FLOT1: variants seen among roughly 807,000 people sequenced by gnomAD.
The protein encoded by FLOT1 is flotillin 1.
In FLOT1, 40 loss-of-function variants were observed where a neutral mutation model predicts 58.4. The ratio of observed to expected loss-of-function variants is 0.69; its 90% confidence interval spans 0.53 to 0.89. The LOEUF is 0.89. FLOT1 is among the 40% of genes least tolerant of loss of function. The pLI, the probability that FLOT1 is intolerant of heterozygous loss-of-function variation, is 0.00. For synonymous variants in FLOT1, 178 were observed against 204.2 expected (o/e 0.87, Z 1.09); for missense variants, 423 against 540.8 (o/e 0.78, Z 2.16).
rs892583601 is a variant in FLOT1 at position 30,742,138 on chromosome 6, A to G, written c.43+9T>C. The G allele has an allele frequency of 6.2e-7, 1 of 1,612,488 alleles. No homozygotes were observed. Among genetic ancestry groups the G allele is most frequent in the Non-Finnish European group, 8.5e-7 (1 of 1,179,798 alleles). Reference sequence around the variant, plus strand: ...GGTCACTGGCTGGGAAGGGAACAACAGTACTTACCGGAGACCACCATGGCC... The same window carrying G: ...GGTCACTGGCTGGGAAGGGAACAACGGTACTTACCGGAGACCACCATGGCC... On this transcript the variant is annotated intron_variant, in intron 2 of 12. Coordinates refer to ENST00000376389, the MANE Select transcript of FLOT1 (RefSeq NM_005803.4). The surrounding 1 kb of genome is among the most constrained non-coding windows in gnomAD (Gnocchi z 5.2).
At chr6:30,735,584 T>C (rs968361347) in intron 8 of FLOT1, among the ~76,000 whole-genome samples, 5 of 138,406 alleles carry the variant, frequency 3.6e-5, no homozygotes, top group African/African-American at 1.5e-4. Context: ...GAGCCGAGAC[T>C]GCGCCACTGC....
At position 30,741,602 on chromosome 6, in the gene FLOT1, T is replaced by C. The variant is rs1195911112; in HGVS notation, c.210+12A>G. On this transcript the variant is annotated intron_variant, in intron 4 of 12. Coordinates refer to ENST00000376389, the MANE Select transcript of FLOT1 (RefSeq NM_005803.4). The surrounding 1 kb of genome is among the most constrained non-coding windows in gnomAD (Gnocchi z 5.9). Reference sequence around the variant, plus strand: ...GAAGTGGACTGTGGGGAAAAGGCTCTGAAAGCTTCACCTGGGCAATGCCAG... The same window carrying C: ...GAAGTGGACTGTGGGGAAAAGGCTCCGAAAGCTTCACCTGGGCAATGCCAG... 6.2e-7 allele frequency: 1 copy of C among 1,602,650 alleles called. No individual in the cohort carries two copies. Among genetic ancestry groups the C allele is most frequent in the Admixed American group, 1.7e-5 (1 of 60,006 alleles).
intron 8 of FLOT1, among the ~76,000 whole-genome samples, chr6:30,738,754 G>A (rs959423035): frequency 4.6e-5 from 7 of 152,162 alleles, no homozygotes; most frequent in African/African-American, 1.7e-4. Context: ...TTGCACTAAA[G>A]GACACTAGAC....
rs773574900 is a variant in FLOT1 at position 30,742,262 on chromosome 6, G to C, written c.-14-59C>G. The C allele has an allele frequency of 1.4e-6, 2 of 1,454,906 alleles. No homozygotes were observed. Among genetic ancestry groups the C allele is most frequent in the Non-Finnish European group, 1.9e-6 (2 of 1,036,158 alleles). 90.1% of individuals were successfully genotyped at this position (1,454,906 alleles called of 1,614,324 possible). A position where few individuals can be genotyped will look rare whatever the true frequency, so the allele number is the denominator to read the frequency against. ...GGGAAGGCGCGCTGTGGCGTCCACA[G>C]GGGCCCATCCTTTCCCTTTCCCGTC... On this transcript the variant is annotated intron_variant, in intron 1 of 12. Coordinates refer to ENST00000376389, the MANE Select transcript of FLOT1 (RefSeq NM_005803.4). The surrounding 1 kb of genome is among the most constrained non-coding windows in gnomAD (Gnocchi z 5.2).
At chr6:30,734,045 T>TG (rs1309223921) in intron 8 of FLOT1, among the ~76,000 whole-genome samples, 7 of 59,926 alleles carry the variant, frequency 1.2e-4, no homozygotes, top group South Asian at 5.5e-4. Flanking sequence ...ACCCTGTCTC[T>TG]GAAAAAAAAA....
At position 30,742,118 on chromosome 6, in the gene FLOT1, C is replaced by T. The variant is rs939546743; in HGVS notation, c.43+29G>A. 1 of 1,610,696 alleles carries T rather than the reference C, an allele frequency of 6.2e-7. No homozygotes were observed. Among genetic ancestry groups the T allele is most frequent in the African/African-American group, 1.3e-5 (1 of 74,986 alleles). On this transcript the variant is annotated intron_variant, in intron 2 of 12. Coordinates refer to ENST00000376389, the MANE Select transcript of FLOT1 (RefSeq NM_005803.4). The surrounding 1 kb of genome is among the most constrained non-coding windows in gnomAD (Gnocchi z 5.2). ...CAGACTCACAGGGGTTCTGGGGTCACTGGCTGGGAAGGGAACAACAGTACT... is the reference window on the plus strand; with the variant it reads ...CAGACTCACAGGGGTTCTGGGGTCATTGGCTGGGAAGGGAACAACAGTACT...
intron 5 of FLOT1, 109 bp from the exon 6 acceptor site, chr6:30,740,907 C>T: frequency 6.9e-7 from 1 of 1,451,294 alleles, no homozygotes; most frequent in Non-Finnish European, 9.1e-7. Context: ...CTGCCTCAGC[C>T]TCCCAAGTAG....
At chr6:30,735,961 G>C (rs76250555) in intron 8 of FLOT1, among the ~76,000 whole-genome samples, 11,188 of 150,678 alleles carry the variant, frequency 0.074, 664 homozygotes, top group African/African-American at 0.16. Flanking sequence ...TTTTTTTAAA[G>C]CCTAGTCAGC....
Position 30,741,393 on chromosome 6 carries a change from G to A in FLOT1, c.211-60C>T. On this transcript the variant is annotated intron_variant, in intron 4 of 12. Coordinates refer to ENST00000376389, the MANE Select transcript of FLOT1 (RefSeq NM_005803.4). The surrounding 1 kb of genome is among the most constrained non-coding windows in gnomAD (Gnocchi z 5.9). ...GGGGTCTCATGAAGTCAGAGAAAAA[G>A]CAGAGAGAGAAGGGAGAGCCCTCTA... 1.3e-6 allele frequency: 2 copies of A among 1,598,876 alleles called. No individual in the cohort carries two copies. Among genetic ancestry groups the A allele is most frequent in the Non-Finnish European group, 1.7e-6 (2 of 1,168,162 alleles).
In FLOT1 at chr6:30,741,185, C is replaced by T; in HGVS notation, c.354+5G>A. 1 of 1,612,876 alleles carries T rather than the reference C, an allele frequency of 6.2e-7. No homozygotes were observed. The highest frequency in any genetic ancestry group is 8.5e-7 in the Non-Finnish European group (1 of 1,180,020). Reference sequence around the variant, plus strand: ...TTCCAGATGGTTCCCTGCCCCTAGGCCAACCTCCACAGTCATGTGGGCCAT... The same window carrying T: ...TTCCAGATGGTTCCCTGCCCCTAGGTCAACCTCCACAGTCATGTGGGCCAT... On this transcript the variant is annotated splice_donor_5th_base_variant and intron_variant, in intron 5 of 12. Transcript: ENST00000376389. The surrounding 1 kb of genome is among the most constrained non-coding windows in gnomAD (Gnocchi z 5.9).
chr6:30,740,483 C>T lies in FLOT1; in HGVS notation c.570+13G>A. 6.2e-7 allele frequency: 1 copy of T among 1,611,180 alleles called. No homozygotes were observed. The highest frequency in any genetic ancestry group is 1.7e-5 in the Admixed American group (1 of 60,008). On this transcript the variant is annotated intron_variant, in intron 7 of 12. Coordinates refer to ENST00000376389, the MANE Select transcript of FLOT1 (RefSeq NM_005803.4). ...TATCCCCTTTCCCACTAAGCAACCC[C>T]CATCTCTCTCACCCGGATCCCAGCA... is the stretch of plus-strand genomic sequence containing the variant.
Position 30,730,829 on chromosome 6 carries a change from T to C in FLOT1, c.905+90A>G, listed in dbSNP as rs924588973. 82 of 1,597,420 alleles carry C rather than the reference T, an allele frequency of 5.1e-5. 2 individuals carry two copies. The highest frequency in any genetic ancestry group is 4.9e-4 in the South Asian group (44 of 90,646). On this transcript the variant is annotated intron_variant, in intron 9 of 12. Transcript: ENST00000376389. ...AGACGCTCCTGAAACCTGAAATCCATAGGAGTCCAGGTGGTGAAGGCTTCA... is the reference window on the plus strand; with the variant it reads ...AGACGCTCCTGAAACCTGAAATCCACAGGAGTCCAGGTGGTGAAGGCTTCA...
rs763714458 is a variant in FLOT1, at chr6:30,742,261, AG to A, written c.-14-59del. ...GGGGAAGGCGCGCTGTGGCGTCCAC[AG>A]GGGCCCATCCTTTCCCTTTCCCGTC... On this transcript the variant is annotated intron_variant, in intron 1 of 12. Coordinates refer to ENST00000376389, the MANE Select transcript of FLOT1 (RefSeq NM_005803.4). The surrounding 1 kb of genome is among the most constrained non-coding windows in gnomAD (Gnocchi z 5.2). The A allele has an allele frequency of 6.2e-6, 9 of 1,458,842 alleles. No homozygotes were observed. The Admixed American group carries it at 8.4e-5, about 14-fold the overall frequency. 90.4% of individuals were successfully genotyped at this position (1,458,842 alleles called of 1,614,324 possible).
chr6:30,732,851 G>T (rs1777295692), intron 8 of FLOT1, among the ~76,000 whole-genome samples: 1 of 152,004 alleles, frequency 6.6e-6, no homozygotes, highest in South Asian at 2.1e-4. Context: ...TTCCAAACTG[G>T]CCTCGTTGCC....
At chr6:30,728,222 T>C in intron 12 of FLOT1, 77 bp from the exon 13 acceptor site, 1 of 1,243,356 alleles carries the variant, frequency 8.0e-7, no homozygotes, top group Non-Finnish European at 1.2e-6. Flanking sequence ...GGCCCCAGTT[T>C]AGACGAATGG....
chr6:30,729,962 T>C (rs1777030353), intron 12 of FLOT1, 60 bp downstream of exon 12: 4 of 1,491,564 alleles, frequency 2.7e-6, no homozygotes, highest in Non-Finnish European at 3.7e-6. Context: ...ATGCTAGGCA[T>C]ACTGTGTCAC....
chr6:30,740,235 A>T lies in FLOT1; in HGVS notation c.646T>A (p.Tyr216Asn), dbSNP rs962758443. The stretch of plus-strand genomic sequence containing the variant: ...TCATAGGCGGCCTTCTTCAGTTCGT[A>T]ATCTCTCTGTGCCTTGGCCATCTCG... ...EIEMAKAQRDYELKKAAYDIE... is the reference protein window; with the variant it reads ...EIEMAKAQRDNELKKAAYDIE... Residue 216 changes from tyrosine (Y) to asparagine (N), a missense_variant, in exon 8 of 13, where the codon TAC (tyrosine) becomes AAC (asparagine). Tyr to Asn is a moderately radical substitution (Grantham distance 143). Around this residue, in one of 6 missense-constraint regions of FLOT1, gnomAD observed 137 missense variants for 194.6 expected, o/e 0.70. Transcript: ENST00000376389. The T allele has an allele frequency of 6.8e-6, 11 of 1,612,702 alleles. No homozygotes were observed. The highest frequency in any genetic ancestry group is 9.3e-6 in the Non-Finnish European group (11 of 1,179,968).
intron 9 of FLOT1, 34 bp downstream of exon 9, chr6:30,730,885 G>C: frequency 6.2e-7 from 1 of 1,603,826 alleles, no homozygotes; most frequent in Non-Finnish European, 8.5e-7. Flanking sequence ...TAGGTGGCAA[G>C]TGAGCTAGGC....
rs1778043113 is a variant in FLOT1, at chr6:30,742,179, G to A, written c.11C>T (p.Thr4Ile). The change falls in exon 2 of 13, where the codon ACT becomes ATT. Residue 4 changes from threonine (T) to isoleucine (I), a missense_variant. By Grantham distance (89) the Thr-to-Ile change is moderately conservative. Coordinates refer to ENST00000376389, the MANE Select transcript of FLOT1 (RefSeq NM_005803.4). The surrounding 1 kb of genome is among the most constrained non-coding windows in gnomAD (Gnocchi z 5.2). ...CACCATGGCCTCATTTGGGCCACAA[G>A]TGAAAAACATGGTTCAGGCTGGAGC... MFF[T>I]CGPNEAMVVS... The A allele has an allele frequency of 1.9e-6, 3 of 1,613,018 alleles. No individual in the cohort carries two copies. The highest frequency in any genetic ancestry group is 1.7e-6 in the Non-Finnish European group (2 of 1,180,016).
Sources: allele counts gnomAD v4.1 joint callset (sites outside exome capture counted in the v4.1 genomes callset), GRCh38; gene constraint gnomAD v4.1.1; regional missense constraint gnomAD v4.1.1; non-coding constraint Gnocchi (gnomAD v3.1); transcripts MANE v1.5; gene names NCBI Gene and HGNC (gene_info 2026-07-23, HGNC 2026-07-21).